DOCK8: variants seen among roughly 807,000 people sequenced by gnomAD.
DOCK8 encodes dedicator of cytokinesis 8, also known as dedicator of cytokinesis protein 8.
A neutral mutation model predicts 245.6 loss-of-function variants in DOCK8; 141 were observed. The observed-to-expected ratio is 0.57, with a 90% CI of 0.50 to 0.66. The LOEUF (loss-of-function observed/expected upper bound fraction) is 0.66. DOCK8 is among the 30% of genes least tolerant of loss of function. The probability of loss-of-function intolerance (pLI) is 0.00; values close to 1 mark genes in which losing one functional copy is unlikely to be tolerated. For missense variants in DOCK8, 2,965 were observed against 2,603.4 expected (o/e 1.14, Z -3.02); for synonymous variants, 1,168 against 970.2 (o/e 1.20, Z -3.79).
intron 26 of DOCK8, among the ~76,000 whole-genome samples, chr9:404,577 A>G (rs1355348303): frequency 6.6e-6 from 1 of 152,194 alleles, no homozygotes; most frequent in Non-Finnish European, 1.5e-5. Flanking sequence ...TCTCGAACAT[A>G]GTAGAGTTTT....
intron 5 of DOCK8, among the ~76,000 whole-genome samples, chr9:309,178 A>G (rs2049985780): frequency 6.6e-6 from 1 of 152,218 alleles, no homozygotes; most frequent in Admixed American, 6.5e-5. Flanking sequence ...GAGTAATGTT[A>G]GATTTTTTTA....
intron 17 of DOCK8, 110 bp from the exon 18 acceptor site, chr9:372,075 G>C: frequency 1.1e-6 from 1 of 943,344 alleles, no homozygotes; most frequent in Non-Finnish European, 1.7e-6. Context: ...AAGAGTACTG[G>C]TCAATATCTA....
intron 35 of DOCK8, 79 bp from the exon 36 acceptor site, chr9:429,623 G>T: frequency 6.4e-7 from 1 of 1,559,398 alleles, no homozygotes; most frequent in Non-Finnish European, 8.8e-7. Context: ...TGTCCAAATG[G>T]ACATTTGCAT....
intron 1 of DOCK8, among the ~76,000 whole-genome samples, chr9:264,060 C>T (rs1200479804): frequency 6.6e-6 from 1 of 152,222 alleles, no homozygotes; most frequent in Non-Finnish European, 1.5e-5. Flanking sequence ...ATCCAGCTTA[C>T]ACAGGTTACA....
chr9:298,598 G>T (rs1444223885), intron 4 of DOCK8, among the ~76,000 whole-genome samples: 1 of 150,094 alleles, frequency 6.7e-6, no homozygotes, highest in Non-Finnish European at 1.5e-5. Flanking sequence ...GAGGATAATG[G>T]AAACAAGCAC....
At chr9:325,867 G>T (rs1189027065) in intron 8 of DOCK8, 130 bp downstream of exon 8, 28 of 863,240 alleles carry the variant, frequency 3.2e-5, no homozygotes, top group East Asian at 2.5e-4. Flanking sequence ...GATGAGTCCA[G>T]TTCTGTTGCC....
intron 24 of DOCK8, among the ~76,000 whole-genome samples, chr9:393,461 A>G (rs879538508): frequency 5.3e-5 from 8 of 152,240 alleles, no homozygotes; most frequent in Non-Finnish European, 1.0e-4. Flanking sequence ...GGCAGGAGGA[A>G]CTTTTATTAT....
chr9:346,526 C>T (rs989160433), intron 14 of DOCK8, among the ~76,000 whole-genome samples: 1 of 152,160 alleles, frequency 6.6e-6, no homozygotes, highest in Non-Finnish European at 1.5e-5. Flanking sequence ...ACGTTTTCAT[C>T]TCTCACTTCA....
chr9:398,559 A>T (rs2131409284), intron 25 of DOCK8, among the ~76,000 whole-genome samples: 1 of 152,334 alleles, frequency 6.6e-6, no homozygotes, highest in African/African-American at 2.4e-5. Flanking sequence ...TAAAAATTTT[A>T]AAAATAGGCG....
intron 46 of DOCK8, among the ~76,000 whole-genome samples, chr9:457,310 G>T (rs569880644): frequency 1.3e-5 from 2 of 152,116 alleles, no homozygotes; most frequent in Non-Finnish European, 2.9e-5. Context: ...ACCTACCCTC[G>T]GTTTCCCCAG....
rs775163321 is a variant in DOCK8, at chr9:426,954, C to T, written c.4311C>T (p.Ile1437=). 6.2e-7 allele frequency: 1 copy of T among 1,614,078 alleles called. No individual in the cohort carries two copies. The highest frequency in any genetic ancestry group is 8.5e-7 in the Non-Finnish European group (1 of 1,180,016). Residue 1437 remains isoleucine (I), a synonymous_variant, in exon 34 of 48, where the codon ATC becomes ATT. Transcript: ENST00000432829. ...GNLATEAHLI[I]LDMQENIIQA... ...TGGCTACAGAAGCACATTTAATCAT[C>T]CTGGATATGCAGGAAAACATTATCC... is the stretch of plus-strand genomic sequence containing the variant.
chr9:387,821 A>C (rs1370860774), intron 23 of DOCK8, among the ~76,000 whole-genome samples: 1 of 152,250 alleles, frequency 6.6e-6, no homozygotes, highest in Non-Finnish European at 1.5e-5. Flanking sequence ...TTCCTTTCTT[A>C]AAAACCATTA....
intron 1 of DOCK8, among the ~76,000 whole-genome samples, chr9:244,398 A>G (rs1052127266): frequency 6.6e-6 from 1 of 152,016 alleles, no homozygotes; most frequent in Non-Finnish European, 1.5e-5. Context: ...AACGCTGGTC[A>G]CAAGCCACTA....
At chr9:216,519 C>G (rs2046755897) in intron 1 of DOCK8, among the ~76,000 whole-genome samples, 1 of 76,350 alleles carries the variant, frequency 1.3e-5, no homozygotes. Flanking sequence ...AGAGTGAAAC[C>G]TTGTCTCAAA....
intron 1 of DOCK8, among the ~76,000 whole-genome samples, chr9:238,752 A>T (rs1009416370): frequency 1.5e-4 from 23 of 152,114 alleles, no homozygotes; most frequent in African/African-American, 5.3e-4. Flanking sequence ...AGACCAAAAG[A>T]CTCCTAATAT....
chr9:288,236 A>T (rs1019078397), intron 3 of DOCK8, among the ~76,000 whole-genome samples: 2 of 152,180 alleles, frequency 1.3e-5, no homozygotes, highest in African/African-American at 4.8e-5. Flanking sequence ...AGGCAGGGGA[A>T]GGTATCATCA....
In DOCK8 at chr9:464,536, C is replaced by G. The variant is rs2057912382; in HGVS notation, c.*317C>G. The G allele has an allele frequency of 1.6e-5, 7 of 442,682 alleles. No homozygotes were observed. The Admixed American group carries it at 2.5e-4, about 16-fold the overall frequency. 27.4% of individuals were successfully genotyped at this position (442,682 alleles called of 1,614,324 possible). The stretch of plus-strand genomic sequence containing the variant: ...TCCTGCTGACTGGCCAATCACTGCC[C>G]ATCTGAGAGATGATTTCCTCTGGCC... On this transcript the variant is annotated 3_prime_UTR_variant, in exon 48 of 48. Coordinates refer to ENST00000432829, the MANE Select transcript of DOCK8 (RefSeq NM_203447.4).
chr9:379,699 C>G (rs2053661409), intron 20 of DOCK8, 72 bp from the exon 21 acceptor site: 1 of 1,552,668 alleles, frequency 6.4e-7, no homozygotes, highest in African/African-American at 1.4e-5. Context: ...TGTCACTGTC[C>G]TGGAGAAACT....
At chr9:312,361 G>A (rs1447780358) in intron 6 of DOCK8, 195 bp downstream of exon 6, 1 of 712,938 alleles carries the variant, frequency 1.4e-6, no homozygotes, top group South Asian at 1.5e-5. Context: ...ACACAGATGG[G>A]ATTCTGATAA....
Sources: gnomAD v4.1 joint callset for allele counts (sites outside exome capture counted in the v4.1 genomes callset) on GRCh38, gnomAD v4.1.1 for gene constraint, MANE v1.5 for transcripts, NCBI Gene and HGNC (gene_info 2026-07-23, HGNC 2026-07-21) for gene names.